The following RBFOX1 variants were observed in gnomAD, a reference collection of about 807,000 sequenced individuals.
RBFOX1 encodes RNA binding protein fox-1 homolog 1.
A neutral mutation model predicts 57.7 loss-of-function variants in RBFOX1; 8 were observed. That is an observed-to-expected ratio of 0.14 (90% CI 0.08 to 0.25). The LOEUF is 0.25. RBFOX1 is among the 10% of genes least tolerant of loss of function. RBFOX1 has a pLI of 1.00. For missense variants in RBFOX1, 611 were observed against 548.5 expected, an observed-to-expected ratio of 1.11 and a Z score of -1.14; for synonymous variants, 326 against 222.4, an observed-to-expected ratio of 1.47 and a Z score of -4.15.
In RBFOX1 at chr16:7,567,703, A is replaced by ATGGCCC. The variant is rs1392748100; in HGVS notation, c.271-12073_271-12072insGGCCCT. Reference sequence around the variant, plus strand: ...CCTATATAGATATATATCCCTATATATAATCCCTATATATATATATCCCTA... The same window carrying ATGGCCC: ...CCTATATAGATATATATCCCTATATATGGCCCTAATCCCTATATATATATATCCCTA... On this transcript the variant is annotated intron_variant, in intron 5 of 15. Transcript: ENST00000550418. Among the ~76,000 whole-genome samples the ATGGCCC allele has an allele frequency of 5.1e-5, 7 of 137,252 alleles. No homozygotes were observed. The East Asian group carries it at 6.5e-4, about 13-fold the overall frequency. The allele number at this position is 137,252 out of a possible 152,430, so 90.0% of individuals were successfully genotyped here. A position where few individuals can be genotyped will look rare whatever the true frequency, so the allele number is the denominator to read the frequency against.
At chr16:5,827,056 C>G (rs1385740954) in intron 3 of RBFOX1, among the ~76,000 whole-genome samples, 2 of 152,174 alleles carry the variant, frequency 1.3e-5, no homozygotes, top group Non-Finnish European at 2.9e-5. Context: ...AATATTCTTT[C>G]TCCTGTTGAC....
At chr16:6,632,251 G>C (rs776907694) in intron 2 of RBFOX1, among the ~76,000 whole-genome samples, 11 of 151,840 alleles carry the variant, frequency 7.2e-5, no homozygotes, top group Admixed American at 2.6e-4. Context: ...CTGCATGCTA[G>C]CTACAAACTG....
At chr16:5,690,507 G>A (rs1316561749) in intron 3 of RBFOX1, among the ~76,000 whole-genome samples, 2 of 152,072 alleles carry the variant, frequency 1.3e-5, no homozygotes, top group Non-Finnish European at 2.9e-5. Context: ...ATAACGCCTG[G>A]CATGATGGAG....
At chr16:6,131,683 C>G (rs541255461) in intron 1 of RBFOX1, among the ~76,000 whole-genome samples, 11 of 152,328 alleles carry the variant, frequency 7.2e-5, no homozygotes, top group African/African-American at 2.6e-4. Context: ...ATTTTACTGA[C>G]TAATCTCATT....
chr16:7,640,875 T>G (rs1233919436), intron 11 of RBFOX1, among the ~76,000 whole-genome samples: 1 of 148,850 alleles, frequency 6.7e-6, no homozygotes, highest in Non-Finnish European at 1.5e-5. Context: ...GCCCTTTATT[T>G]GCTTCCCCAA....
rs71145274 is a variant in RBFOX1, at chr16:6,679,878, G to GTTTTTTTTTT, written c.-16+25246_-16+25255dup. On this transcript the variant is annotated intron_variant, in intron 3 of 15. Coordinates refer to ENST00000550418, the MANE Select transcript of RBFOX1 (RefSeq NM_018723.4). ...CTACATAAAGCCATAGTTTCTACTT[G>GTTTTTTTTTT]TTTTTTTTTTTTTTTTTTTTTTTTT... is the stretch of plus-strand genomic sequence containing the variant. Among the ~76,000 whole-genome samples, 43 of 114,296 alleles carry GTTTTTTTTTT rather than the reference G, an allele frequency of 3.8e-4. 1 individual carries two copies. Among genetic ancestry groups the GTTTTTTTTTT allele is most frequent in the African/African-American group, 9.3e-4 (24 of 25,728 alleles). 75.0% of individuals were successfully genotyped at this position (114,296 alleles called of 152,430 possible).
chr16:5,594,573 G>A (rs1596374692), intron 2 of RBFOX1, among the ~76,000 whole-genome samples: 1 of 152,202 alleles, frequency 6.6e-6, no homozygotes, highest in Non-Finnish European at 1.5e-5. Context: ...CAGGAAGACA[G>A]GGAGACACTG....
At chr16:7,428,269 TTTTTTGTTGAATAAG>T (rs2098641836) in intron 4 of RBFOX1, among the ~76,000 whole-genome samples, 1 of 151,930 alleles carries the variant, frequency 6.6e-6, no homozygotes, top group South Asian at 2.1e-4. Context: ...GCAGTCAACT[TTTTTTGTTGAATAAG>T]TTTTGTATGA....
chr16:5,570,031 A>G (rs1047010060), intron 2 of RBFOX1, among the ~76,000 whole-genome samples: 1 of 152,230 alleles, frequency 6.6e-6, no homozygotes, highest in Non-Finnish European at 1.5e-5. Context: ...CTTTCGTGGC[A>G]ACAACACCCA....
At chr16:7,092,923 T>G (rs2061103460) in intron 4 of RBFOX1, among the ~76,000 whole-genome samples, 1 of 152,230 alleles carries the variant, frequency 6.6e-6, no homozygotes. Flanking sequence ...CATCTGTTTT[T>G]TTCCAAGTTA....
intron 1 of RBFOX1, among the ~76,000 whole-genome samples, chr16:5,463,591 G>A (rs2151601161): frequency 6.6e-6 from 1 of 152,200 alleles, no homozygotes; most frequent in South Asian, 2.1e-4. Flanking sequence ...CCTGAGGTCA[G>A]GAGTTTGAGA....
chr16:7,215,333 A>G (rs2091858264), intron 4 of RBFOX1, among the ~76,000 whole-genome samples: 1 of 152,224 alleles, frequency 6.6e-6, no homozygotes, highest in Admixed American at 6.5e-5. Flanking sequence ...TACTCAAAGT[A>G]TTATAAATCA....
chr16:5,838,194 C>CA (rs2056520389), intron 3 of RBFOX1: 1 of 171,754 alleles, frequency 5.8e-6, no homozygotes, highest in Non-Finnish European at 1.3e-5. Context: ...GTACTATGCT[C>CA]ACATTACCAC....
intron 2 of RBFOX1, among the ~76,000 whole-genome samples, chr16:6,616,701 C>G (rs1322737123): frequency 6.6e-6 from 1 of 152,296 alleles, no homozygotes; most frequent in East Asian, 1.9e-4. Context: ...TCCCAAAGTT[C>G]TGGGATTGCA....
intron 3 of RBFOX1, among the ~76,000 whole-genome samples, chr16:7,006,466 T>C (rs895584405): frequency 3.3e-5 from 5 of 152,054 alleles, no homozygotes; most frequent in Non-Finnish European, 5.9e-5. Flanking sequence ...CAAGTTTTTT[T>C]ATGTAGAGAC....
rs199821218 is a variant in RBFOX1 at position 6,402,617 on chromosome 16, G to A, written c.-64+85560G>A. Among the ~76,000 whole-genome samples, 6 of 152,248 alleles carry A rather than the reference G, an allele frequency of 3.9e-5. No homozygotes were observed. The East Asian group carries it at 1.2e-3, about 29-fold the overall frequency. ...CATTTACACTGGGTTGCTGTCCTCT[G>A]CCTCCTTCCACTACTGTCCACACAA... On this transcript the variant is annotated intron_variant, in intron 2 of 15. Coordinates refer to ENST00000550418, the MANE Select transcript of RBFOX1 (RefSeq NM_018723.4).
intron 10 of RBFOX1, chr16:7,614,728 C>G (rs960293134): frequency 6.6e-6 from 1 of 151,744 alleles, no homozygotes; most frequent in African/African-American, 2.4e-5. Context: ...GTGAGAAACT[C>G]AAACCATCAA....
intron 2 of RBFOX1, among the ~76,000 whole-genome samples, chr16:6,362,152 C>T (rs930006997): frequency 6.6e-6 from 1 of 152,016 alleles, no homozygotes; most frequent in African/African-American, 2.4e-5. Flanking sequence ...TAATTTGGAC[C>T]ACAAAACAAG....
At chr16:5,650,826 G>A (rs372656372) in intron 3 of RBFOX1, among the ~76,000 whole-genome samples, 2 of 152,148 alleles carry the variant, frequency 1.3e-5, no homozygotes, top group African/African-American at 2.4e-5. Flanking sequence ...TATGGAGGAC[G>A]GGGCAGCAGG....
Sources: allele counts gnomAD v4.1 joint callset (sites outside exome capture counted in the v4.1 genomes callset), GRCh38; gene constraint gnomAD v4.1.1; transcripts MANE v1.5; gene names NCBI Gene and HGNC (gene_info 2026-07-23, HGNC 2026-07-21).